The following UBR3 variants were observed in gnomAD, a reference collection of about 807,000 sequenced individuals.
UBR3 encodes the protein E3 ubiquitin-protein ligase UBR3.
In UBR3, 85 loss-of-function variants were observed where a neutral mutation model predicts 243.2. The observed-to-expected ratio is 0.35, with a 90% confidence interval of 0.29 to 0.42. The LOEUF is 0.42. Among genes scored for constraint, UBR3 ranks in the 10% least tolerant of loss-of-function variants. The pLI is 1.00. For synonymous variants in UBR3, 748 were observed against 799.8 expected (o/e 0.94, Z 1.09); for missense variants, 1,686 against 2,300.8 (o/e 0.73, Z 5.47).
At chr2:170,069,162 G>T (rs1252174724) in intron 35 of UBR3, among the ~76,000 whole-genome samples, 1 of 151,806 alleles carries the variant, frequency 6.6e-6, no homozygotes, top group Non-Finnish European at 1.5e-5. Context: ...GTTGAATGAG[G>T]CATTATGAAA....
chr2:169,839,609 T>C (rs1396425515), intron 1 of UBR3, among the ~76,000 whole-genome samples: 2 of 152,324 alleles, frequency 1.3e-5, no homozygotes, highest in Non-Finnish European at 2.9e-5. Flanking sequence ...ATTATATGAA[T>C]GTATTACATT....
chr2:169,909,494 G>A (rs2085164895), intron 10 of UBR3, among the ~76,000 whole-genome samples: 1 of 152,106 alleles, frequency 6.6e-6, no homozygotes. Flanking sequence ...TCCAGAAGCT[G>A]GGGCTGAGGG....
intron 24 of UBR3, among the ~76,000 whole-genome samples, chr2:169,969,548 C>CTTTTTT (rs199918460): frequency 1.5e-5 from 2 of 134,184 alleles, no homozygotes; most frequent in African/African-American, 2.8e-5. Context: ...CCATTTGTGT[C>CTTTTTT]TTTTTTTTTT....
chr2:169,962,486 G>A (rs1278852607), intron 24 of UBR3, among the ~76,000 whole-genome samples: 1 of 152,072 alleles, frequency 6.6e-6, no homozygotes, highest in Admixed American at 6.5e-5. Flanking sequence ...AACGGTTTGA[G>A]ATAATTCTTT....
intron 28 of UBR3, among the ~76,000 whole-genome samples, chr2:170,008,120 C>T (rs571531004): frequency 2.0e-5 from 3 of 152,188 alleles, no homozygotes; most frequent in African/African-American, 7.2e-5. Flanking sequence ...GGGAACTCAT[C>T]TTTTATCCCA....
chr2:169,975,622 T>G (rs904082051), intron 24 of UBR3, among the ~76,000 whole-genome samples: 1 of 152,176 alleles, frequency 6.6e-6, no homozygotes, highest in African/African-American at 2.4e-5. Context: ...ATTTGGGTGC[T>G]CTGGCATTGA....
intron 1 of UBR3, among the ~76,000 whole-genome samples, chr2:169,868,373 A>G (rs2083326965): frequency 6.6e-6 from 1 of 152,160 alleles, no homozygotes; most frequent in Admixed American, 6.5e-5. Flanking sequence ...ACAGAGTCTC[A>G]TTCTGTCATC....
chr2:170,029,991 G>C (rs1225500171), intron 31 of UBR3, among the ~76,000 whole-genome samples: 1 of 152,018 alleles, frequency 6.6e-6, no homozygotes, highest in Non-Finnish European at 1.5e-5. Context: ...ATACTTTTCT[G>C]ATTTATAAAT....
At chr2:169,931,693 C>T (rs976924354) in intron 18 of UBR3, among the ~76,000 whole-genome samples, 6 of 151,956 alleles carry the variant, frequency 3.9e-5, no homozygotes, top group African/African-American at 1.5e-4. Context: ...TAGATTTTTG[C>T]CACATCTAAA....
chr2:169,994,863 A>G (rs992930691), intron 26 of UBR3, among the ~76,000 whole-genome samples: 1 of 151,986 alleles, frequency 6.6e-6, no homozygotes, highest in Non-Finnish European at 1.5e-5. Flanking sequence ...AGTTCTTCCT[A>G]CTTCTCAAAG....
intron 31 of UBR3, among the ~76,000 whole-genome samples, chr2:170,032,003 T>C (rs141205938): frequency 6.6e-6 from 1 of 152,280 alleles, no homozygotes; most frequent in East Asian, 1.9e-4. Flanking sequence ...ATGTGTCTTT[T>C]TGGTAGAACG....
chr2:170,000,881 C>G (rs1032133056), intron 26 of UBR3, among the ~76,000 whole-genome samples: 3 of 152,024 alleles, frequency 2.0e-5, no homozygotes, highest in African/African-American at 7.2e-5. Context: ...GAGGCAGGAA[C>G]GAAACCGAGA....
At chr2:170,039,804 CT>C (rs1203115356) in intron 31 of UBR3, among the ~76,000 whole-genome samples, 2 of 152,136 alleles carry the variant, frequency 1.3e-5, no homozygotes, top group Non-Finnish European at 2.9e-5. Flanking sequence ...TTAAAAAATT[CT>C]TTTAGAATAA....
intron 1 of UBR3, among the ~76,000 whole-genome samples, chr2:169,858,887 A>G (rs1190642476): frequency 1.3e-5 from 2 of 152,010 alleles, no homozygotes; most frequent in African/African-American, 2.4e-5. Context: ...GGTGTGAGGC[A>G]TTGTGCCCGG....
intron 30 of UBR3, among the ~76,000 whole-genome samples, chr2:170,022,949 A>G (rs1408780361): frequency 2.6e-5 from 4 of 151,998 alleles, no homozygotes; most frequent in Non-Finnish European, 5.9e-5. Flanking sequence ...TTCATGGCTG[A>G]TTTCTCAGGG....
chr2:169,926,571 A>T, intron 14 of UBR3, 121 bp from the exon 15 acceptor site: 1 of 1,052,694 alleles, frequency 9.5e-7, no homozygotes, highest in Non-Finnish European at 1.3e-6. Context: ...GGTGAGAGTG[A>T]GACTCTGTCT....
At chr2:170,054,811 T>G (rs1165435623) in intron 32 of UBR3, among the ~76,000 whole-genome samples, 2 of 152,138 alleles carry the variant, frequency 1.3e-5, no homozygotes, top group African/African-American at 4.8e-5. Context: ...CCAAACGTTG[T>G]TATTGAGCAT....
intron 1 of UBR3, among the ~76,000 whole-genome samples, chr2:169,846,316 CT>C (rs1259300118): frequency 6.6e-6 from 1 of 152,208 alleles, no homozygotes; most frequent in East Asian, 1.9e-4. Flanking sequence ...CTTTTTATTC[CT>C]GGCAATATTC....
chr2:169,887,196 C>T (rs2084134210), intron 5 of UBR3, among the ~76,000 whole-genome samples: 2 of 152,150 alleles, frequency 1.3e-5, no homozygotes, highest in African/African-American at 4.8e-5. Flanking sequence ...TGTTTTGGAC[C>T]TGTGTCCATA....
Sources: allele counts gnomAD v4.1 joint callset (sites outside exome capture counted in the v4.1 genomes callset), GRCh38; gene constraint gnomAD v4.1.1; transcripts MANE v1.5; gene names NCBI Gene and HGNC (gene_info 2026-07-23, HGNC 2026-07-21).